Variants in IFT140 observed in about 807,000 individuals in gnomAD.
IFT140 encodes the protein intraflagellar transport protein 140 homolog.
Under a neutral mutation model 164.6 loss-of-function variants are expected in IFT140, and 133 were observed. That is an observed-to-expected ratio of 0.81 (90% CI 0.70 to 0.93). The LOEUF (loss-of-function observed/expected upper bound fraction) is 0.93, where lower values mean the gene tolerates loss of function less well. Among genes scored for constraint, IFT140 ranks in the 40% least tolerant of loss-of-function variants. The pLI, the probability that IFT140 is intolerant of heterozygous loss-of-function variation, is 0.00. For synonymous variants in IFT140, 860 were observed against 817.3 expected (o/e 1.05, Z -0.89); for missense variants, 2,045 against 1,972.3 (o/e 1.04, Z -0.70).
rs1216991665 is a variant in IFT140 at position 1,510,708 on chromosome 16, T to A, written c.*236A>T. 2 of 592,124 alleles carry A rather than the reference T, an allele frequency of 3.4e-6. No homozygotes were observed. The highest frequency in any genetic ancestry group is 1.9e-5 in the African/African-American group (1 of 53,456). 36.7% of individuals were successfully genotyped at this position (592,124 alleles called of 1,614,324 possible). A position where few individuals can be genotyped will look rare whatever the true frequency, so the allele number is the denominator to read the frequency against. On this transcript the variant is annotated 3_prime_UTR_variant, in exon 31 of 31. Coordinates refer to ENST00000426508, the MANE Select transcript of IFT140 (RefSeq NM_014714.4). ...GTGAACCCGACTCCCTTCAAAGGAA[T>A]GAATCCAAAAATCTAGTGGAGCTGC...
chr16:1,510,449 T>A lies in IFT140; in HGVS notation c.*495A>T, dbSNP rs1324555609. 2 of 222,032 alleles carry A rather than the reference T, an allele frequency of 9.0e-6. No homozygotes were observed. Among genetic ancestry groups the A allele is most frequent in the Non-Finnish European group, 1.8e-5 (2 of 110,480 alleles). 13.8% of individuals were successfully genotyped at this position (222,032 alleles called of 1,614,324 possible). ...GGCTCTCAGAAAATAAACTGCTTTA[T>A]TGGAATTACAGGAGTGTTGGTGGCC... On this transcript the variant is annotated 3_prime_UTR_variant, in exon 31 of 31. Transcript: ENST00000426508.
intron 3 of IFT140, among the ~76,000 whole-genome samples, chr16:1,604,882 G>A (rs187893101): frequency 3.3e-4 from 50 of 152,184 alleles, no homozygotes; most frequent in African/African-American, 1.2e-3. Flanking sequence ...TAAAGGGGGT[G>A]ACTTTCATTG....
At chr16:1,559,169 C>T (rs1866977346) in intron 18 of IFT140, among the ~76,000 whole-genome samples, 1 of 152,228 alleles carries the variant, frequency 6.6e-6, no homozygotes, top group Admixed American at 6.5e-5. Context: ...GTTTGGACTG[C>T]TTCTGCCTTG....
chr16:1,534,762 C>A (rs1174744787), intron 19 of IFT140, among the ~76,000 whole-genome samples: 1 of 150,920 alleles, frequency 6.6e-6, no homozygotes, highest in Non-Finnish European at 1.5e-5. Context: ...GGTGGCCCCA[C>A]ACACTCCTCC....
intron 30 of IFT140, chr16:1,513,053 G>T (rs184050430): frequency 6.6e-6 from 1 of 152,174 alleles, no homozygotes; most frequent in African/African-American, 2.4e-5. Flanking sequence ...CTCATTTCTC[G>T]ATACTCAGTT....
At chr16:1,514,168 A>G (rs1264999294) in intron 30 of IFT140, 1 of 150,684 alleles carries the variant, frequency 6.6e-6, no homozygotes, top group Non-Finnish European at 1.5e-5. Flanking sequence ...GGAGATCGAG[A>G]CCATCCTGGC....
intron 17 of IFT140, 54 bp from the exon 18 acceptor site, chr16:1,562,170 T>C: frequency 6.7e-7 from 1 of 1,488,542 alleles, no homozygotes; most frequent in Non-Finnish European, 9.0e-7. Context: ...TACATAAATT[T>C]CTGGGGTATG....
chr16:1,603,037 C>T (rs1004928922), intron 3 of IFT140, among the ~76,000 whole-genome samples: 1 of 152,200 alleles, frequency 6.6e-6, no homozygotes, highest in African/African-American at 2.4e-5. Flanking sequence ...GGGCAATGTT[C>T]TCAGTAGACT....
chr16:1,567,505 G>A (rs1394494983), intron 15 of IFT140, among the ~76,000 whole-genome samples: 4 of 152,152 alleles, frequency 2.6e-5, no homozygotes, highest in African/African-American at 4.8e-5. Context: ...CCACAGCAGC[G>A]CAGTGCTGTG....
At chr16:1,602,615 C>A in intron 3 of IFT140, 24 bp from the exon 4 acceptor site, 1 of 1,599,030 alleles carries the variant, frequency 6.3e-7, no homozygotes, top group South Asian at 1.1e-5. Context: ...GAGGCAAATT[C>A]CCACAGTTCA....
At chr16:1,514,153 G>A (rs2040273270) in intron 30 of IFT140, 1 of 151,378 alleles carries the variant, frequency 6.6e-6, no homozygotes, top group African/African-American at 2.4e-5. Context: ...TGGATCACGA[G>A]GTCAGGAGAT....
rs539181813 is a variant in IFT140, at chr16:1,589,687, T to C, written c.728A>G (p.Glu243Gly). The C allele has an allele frequency of 4.3e-5, 69 of 1,614,054 alleles. 1 individual carries two copies. The South Asian group carries it at 7.5e-4, about 17-fold the overall frequency. Residue 243 changes from glutamate to glycine, a missense_variant, in exon 7 of 31, where the codon GAG (glutamate) becomes GGG (glycine). Transcript: ENST00000426508. ...GTTCTCTGTGACCACCACCAGTGCC[T>C]CCCTCTTCTCCATGTAGAACAGCAT... The part of the protein sequence containing the change: ...IQMLFYMEKR[E>G]ALVVVTENLR...
At chr16:1,534,107 G>C (rs922167024) in intron 19 of IFT140, 2 of 783,742 alleles carry the variant, frequency 2.6e-6, no homozygotes, top group Admixed American at 6.6e-5. Flanking sequence ...GATAAGGCCG[G>C]GCCGAGAGGC....
chr16:1,511,132 C>G lies in IFT140; in HGVS notation c.4201G>C (p.Glu1401Gln), dbSNP rs2040132121. 3 of 1,608,426 alleles carry G rather than the reference C, an allele frequency of 1.9e-6. No homozygotes were observed. Among genetic ancestry groups the G allele is most frequent in the Non-Finnish European group, 2.5e-6 (3 of 1,178,210 alleles). ...EYQTAYRFLE[E>Q]MRRRLPLANM... ...GCCAAGGGAAGCCGCCGCCGCATCT[C>G]CTCCAGGAATCTGTAGGCCTGGGGC... The change falls in exon 31 of 31, where the codon GAG (glutamate) becomes CAG (glutamine). Residue 1401 changes from glutamate (E) to glutamine (Q), a missense_variant. Physicochemically the swap from Glu to Gln is conservative, Grantham distance 29. Coordinates refer to ENST00000426508, the MANE Select transcript of IFT140 (RefSeq NM_014714.4).
chr16:1,580,856 A>G lies in IFT140; in HGVS notation c.1433-6T>C. ...CGTCTCACACAAGAAGGTCCCTAAA[A>G]TGAAAGACGAACATCAGGATGGCGG... On this transcript the variant is annotated splice_polypyrimidine_tract_variant and splice_region_variant and intron_variant, in intron 12 of 30. Transcript: ENST00000426508. 1.9e-6 allele frequency: 3 copies of G among 1,604,140 alleles called. No homozygotes were observed. The highest frequency in any genetic ancestry group is 2.6e-6 in the Non-Finnish European group (3 of 1,171,202).
intron 9 of IFT140, among the ~76,000 whole-genome samples, chr16:1,586,852 G>A (rs1158115161): frequency 6.6e-6 from 1 of 152,144 alleles, no homozygotes; most frequent in African/African-American, 2.4e-5. Context: ...GACCACCGCT[G>A]TACACCATCA....
intron 12 of IFT140, among the ~76,000 whole-genome samples, chr16:1,581,779 CGGAGG>C (rs1446631048): frequency 1.4e-4 from 1 of 7,154 alleles, no homozygotes; most frequent in Non-Finnish European, 2.6e-4. Context: ...GGGAGGGGAG[CGGAGG>C]GGAGGGGAGG....
In IFT140 at chr16:1,553,114, G is replaced by C; in HGVS notation, c.2399+4821C>G. The C allele has an allele frequency of 3.0e-6, 3 of 985,454 alleles. No individual in the cohort carries two copies. The highest frequency in any genetic ancestry group is 3.6e-6 in the Non-Finnish European group (3 of 829,942). The allele number at this position is 985,454 out of a possible 1,614,324, so 61.0% of individuals were successfully genotyped here. Reference sequence around the variant, plus strand: ...TAATTCATACTTTCTGGAGGGTACAGTGATGATGAAAAGATAATGCTTGGG... The same window carrying C: ...TAATTCATACTTTCTGGAGGGTACACTGATGATGAAAAGATAATGCTTGGG... On this transcript the variant is annotated intron_variant, in intron 19 of 30. Coordinates refer to ENST00000426508, the MANE Select transcript of IFT140 (RefSeq NM_014714.4). The surrounding 1 kb of genome is among the most constrained non-coding windows in gnomAD (Gnocchi z 4.4).
Position 1,607,113 on chromosome 16 carries a change from C to T in IFT140, c.147+7G>A. ...CACAGTCAGGCTCCTTGCTTCTGAGCACTCACTTGCTCCAGGTAAATATCC... is the reference window on the plus strand; with the variant it reads ...CACAGTCAGGCTCCTTGCTTCTGAGTACTCACTTGCTCCAGGTAAATATCC... On this transcript the variant is annotated splice_region_variant and intron_variant, in intron 3 of 30. Coordinates refer to ENST00000426508, the MANE Select transcript of IFT140 (RefSeq NM_014714.4). 2 of 1,613,482 alleles carry T rather than the reference C, an allele frequency of 1.2e-6. No individual in the cohort carries two copies. Among genetic ancestry groups the T allele is most frequent in the Non-Finnish European group, 1.7e-6 (2 of 1,179,628 alleles).
Sources: gnomAD v4.1 joint callset for allele counts (sites outside exome capture counted in the v4.1 genomes callset) on GRCh38, gnomAD v4.1.1 for gene constraint, Gnocchi (gnomAD v3.1) non-coding constraint, MANE v1.5 for transcripts, NCBI Gene and HGNC (gene_info 2026-07-23, HGNC 2026-07-21) for gene names.